The following SLC35F1 variants were observed in gnomAD, a reference collection of about 807,000 sequenced individuals.
SLC35F1 encodes the protein solute carrier family 35 member F1, also known as chromosome 6 open reading frame 169.
In SLC35F1, 14 loss-of-function variants were observed where a neutral mutation model predicts 48.7. That is an observed-to-expected ratio of 0.29 (90% confidence interval 0.19 to 0.45). SLC35F1 has a LOEUF of 0.45. SLC35F1 is among the 20% of genes least tolerant of loss of function. SLC35F1 has a pLI of 1.00. For missense variants in SLC35F1, 404 were observed against 500.0 expected, an observed-to-expected ratio of 0.81 and a Z score of 1.83; for synonymous variants, 190 against 202.2, an observed-to-expected ratio of 0.94 and a Z score of 0.51.
intron 1 of SLC35F1, among the ~76,000 whole-genome samples, chr6:117,954,797 G>A (rs6903073): frequency 0.79 from 119,967 of 152,136 alleles, 47,472 homozygotes; most frequent in South Asian, 0.89. Flanking sequence ...ATCACAGGCT[G>A]TGTCCTTTGG....
intron 1 of SLC35F1, among the ~76,000 whole-genome samples, chr6:117,918,232 G>C (rs1562236747): frequency 6.6e-6 from 1 of 152,130 alleles, no homozygotes; most frequent in Non-Finnish European, 1.5e-5. Context: ...TAATGGGAGA[G>C]ATAATACAAC....
intron 1 of SLC35F1, among the ~76,000 whole-genome samples, chr6:118,001,500 G>A (rs968341552): frequency 3.3e-5 from 5 of 152,254 alleles, no homozygotes; most frequent in African/African-American, 1.2e-4. Flanking sequence ...AAAAATCCTA[G>A]AAGAAAACCC....
chr6:118,316,121 A>G lies in SLC35F1; in HGVS notation c.*1869A>G, dbSNP rs1353257760. 1 of 152,242 alleles carries G rather than the reference A, an allele frequency of 6.6e-6. No homozygotes were observed. Among genetic ancestry groups the G allele is most frequent in the African/African-American group, 2.4e-5 (1 of 41,462 alleles). The allele number at this position is 152,242 out of a possible 1,614,324, so 9.4% of individuals were successfully genotyped here. A position where few individuals can be genotyped will look rare whatever the true frequency, so the allele number is the denominator to read the frequency against. ...GAAGGACTGATCCCAGAGTGCCTGT[A>G]CAAGGCCTAAATCTGGCAGGCAAAA... is the stretch of plus-strand genomic sequence containing the variant. On this transcript the variant is annotated 3_prime_UTR_variant, in exon 8 of 8. Coordinates refer to ENST00000360388, the MANE Select transcript of SLC35F1 (RefSeq NM_001029858.4).
At chr6:118,237,601 G>A (rs777890987) in intron 3 of SLC35F1, among the ~76,000 whole-genome samples, 76 of 152,072 alleles carry the variant, frequency 5.0e-4, no homozygotes, top group Non-Finnish European at 9.0e-4. Flanking sequence ...TGTTGCCCAG[G>A]CTGGTCTTGA....
intron 1 of SLC35F1, among the ~76,000 whole-genome samples, chr6:118,149,156 G>A (rs1347805723): frequency 6.6e-6 from 1 of 152,178 alleles, no homozygotes; most frequent in African/African-American, 2.4e-5. Flanking sequence ...AATAGTGATA[G>A]GGAAATGCAG....
rs1288513588 is a variant in SLC35F1 at position 118,277,438 on chromosome 6, G to T, written c.795-56G>T. The T allele has an allele frequency of 6.2e-6, 9 of 1,449,500 alleles. No individual in the cohort carries two copies. In the Admixed American group the frequency reaches 6.9e-5, roughly 11 times the overall value. 89.8% of individuals were successfully genotyped at this position (1,449,500 alleles called of 1,614,324 possible). ...AAGTGGGGGGGAAAAAAGAAAGAAA[G>T]AAAGTAGAGTGCATTCTAATCTTGC... On this transcript the variant is annotated intron_variant, in intron 5 of 7. Coordinates refer to ENST00000360388, the MANE Select transcript of SLC35F1 (RefSeq NM_001029858.4).
chr6:118,231,421 G>C (rs1049944993), intron 2 of SLC35F1, among the ~76,000 whole-genome samples: 1 of 152,104 alleles, frequency 6.6e-6, no homozygotes, highest in Non-Finnish European at 1.5e-5. Flanking sequence ...GGGACTCTAA[G>C]GAATGTATTT....
intron 1 of SLC35F1, among the ~76,000 whole-genome samples, chr6:118,083,946 C>T (rs1209421307): frequency 1.3e-5 from 2 of 152,212 alleles, no homozygotes; most frequent in African/African-American, 4.8e-5. Context: ...TCTTTATACA[C>T]GGACACTTAG....
intron 1 of SLC35F1, among the ~76,000 whole-genome samples, chr6:118,062,142 A>C (rs939313441): frequency 3.9e-5 from 6 of 152,162 alleles, no homozygotes; most frequent in African/African-American, 7.2e-5. Context: ...GCTGCCTACC[A>C]ATTTGTCTGC....
intron 1 of SLC35F1, among the ~76,000 whole-genome samples, chr6:117,973,216 C>A (rs1776665518): frequency 6.6e-6 from 1 of 152,082 alleles, no homozygotes; most frequent in African/African-American, 2.4e-5. Flanking sequence ...CCTATGTGTC[C>A]CTAGTCTCTC....
At chr6:118,142,194 CT>C (rs1265096476) in intron 1 of SLC35F1, among the ~76,000 whole-genome samples, 1 of 152,100 alleles carries the variant, frequency 6.6e-6, no homozygotes, top group Non-Finnish European at 1.5e-5. Context: ...TTTTATAAAC[CT>C]CATAAACCAG....
intron 1 of SLC35F1, among the ~76,000 whole-genome samples, chr6:118,037,923 G>A (rs1772158213): frequency 6.6e-6 from 1 of 152,066 alleles, no homozygotes; most frequent in Non-Finnish European, 1.5e-5. Context: ...AATGCATGCA[G>A]GTCTTAAAAC....
At chr6:118,299,730 A>C (rs186101940) in intron 7 of SLC35F1, among the ~76,000 whole-genome samples, 2 of 152,320 alleles carry the variant, frequency 1.3e-5, no homozygotes, top group Admixed American at 1.3e-4. Flanking sequence ...ACTGAAGCTC[A>C]ATGCCTACAT....
At chr6:117,923,773 A>G (rs868056260) in intron 1 of SLC35F1, among the ~76,000 whole-genome samples, 22 of 125,664 alleles carry the variant, frequency 1.8e-4, no homozygotes, top group South Asian at 5.0e-4. Flanking sequence ...GCACATACAT[A>G]TGTATATATA....
At chr6:118,288,835 T>C (rs1198849339) in intron 7 of SLC35F1, among the ~76,000 whole-genome samples, 1 of 152,108 alleles carries the variant, frequency 6.6e-6, no homozygotes, top group Admixed American at 6.6e-5. Context: ...GTTTACACTC[T>C]TCACCTAGTC....
intron 7 of SLC35F1, among the ~76,000 whole-genome samples, chr6:118,289,856 G>A (rs1776097817): frequency 6.6e-6 from 1 of 152,208 alleles, no homozygotes; most frequent in Non-Finnish European, 1.5e-5. Context: ...CCAGAGTTGG[G>A]AGTCACTAAT....
At chr6:118,082,758 G>A (rs1362495827) in intron 1 of SLC35F1, among the ~76,000 whole-genome samples, 1 of 152,130 alleles carries the variant, frequency 6.6e-6, no homozygotes, top group Non-Finnish European at 1.5e-5. Context: ...AAAAAAGATG[G>A]CTACTGACAG....
chr6:118,064,059 G>A (rs936504358), intron 1 of SLC35F1, among the ~76,000 whole-genome samples: 1 of 152,138 alleles, frequency 6.6e-6, no homozygotes, highest in African/African-American at 2.4e-5. Flanking sequence ...TCACATGGCT[G>A]GGGAGGCCTC....
At chr6:117,943,889 A>G (rs1326274715) in intron 1 of SLC35F1, among the ~76,000 whole-genome samples, 5 of 152,158 alleles carry the variant, frequency 3.3e-5, no homozygotes, top group Non-Finnish European at 7.4e-5. Context: ...ATAAACACAT[A>G]TATGAATTAA....
Sources: gnomAD v4.1 joint callset for allele counts (sites outside exome capture counted in the v4.1 genomes callset) on GRCh38, gnomAD v4.1.1 for gene constraint, MANE v1.5 for transcripts, NCBI Gene and HGNC (gene_info 2026-07-23, HGNC 2026-07-21) for gene names.